ATPSCKMT: variants seen among roughly 807,000 people sequenced by gnomAD.
The protein encoded by ATPSCKMT is ATP synthase subunit C lysine N-methyltransferase.
In ATPSCKMT, 24 loss-of-function variants were observed where a neutral mutation model predicts 24.3. The observed-to-expected ratio is 0.99, with a 90% confidence interval of 0.71 to 1.39. The LOEUF (loss-of-function observed/expected upper bound fraction) is 1.39, where lower values mean the gene tolerates loss of function less well. ATPSCKMT is among the 40% of genes most tolerant of loss of function. The pLI is 0.00. For synonymous variants in ATPSCKMT, 95 were observed against 110.5 expected (o/e 0.86, Z 0.88); for missense variants, 311 against 298.4 (o/e 1.04, Z -0.31).
chr5:10,245,883 C>G (rs1744897226), intron 1 of ATPSCKMT, among the ~76,000 whole-genome samples: 1 of 152,108 alleles, frequency 6.6e-6, no homozygotes, highest in Non-Finnish European at 1.5e-5. Flanking sequence ...ATTCTCAATA[C>G]TATCATATGC....
At position 10,225,722 on chromosome 5, in the gene ATPSCKMT, G is replaced by T. The variant is rs527664311; in HGVS notation, c.*1719C>A. 6.6e-6 allele frequency among the ~76,000 whole-genome samples: 1 copy of T among 152,140 alleles called. No individual in the cohort carries two copies. The highest frequency in any genetic ancestry group is 2.1e-4 in the South Asian group (1 of 4,808). On this transcript the variant is annotated 3_prime_UTR_variant, in exon 5 of 5. Coordinates refer to ENST00000511437, the MANE Select transcript of ATPSCKMT (RefSeq NM_199133.4). The stretch of plus-strand genomic sequence containing the variant: ...CACCAGGTCCTTCCCACAACACGTG[G>T]GAATTCAAGATGAGATTTGGGTAGG...
At chr5:10,239,466 T>C (rs1319083897) in intron 1 of ATPSCKMT, 110 bp from the exon 2 acceptor site, 1 of 944,464 alleles carries the variant, frequency 1.1e-6, no homozygotes, top group African/African-American at 1.7e-5. Context: ...TTTTAAAGGA[T>C]AATTTAGCTG....
At chr5:10,244,612 A>G (rs1744804069) in intron 1 of ATPSCKMT, 1 of 152,270 alleles carries the variant, frequency 6.6e-6, no homozygotes, top group Non-Finnish European at 1.5e-5. Flanking sequence ...GTAGTCATGC[A>G]TTTATTTAAG....
intron 4 of ATPSCKMT, among the ~76,000 whole-genome samples, chr5:10,233,244 C>A (rs2126431180): frequency 6.6e-6 from 1 of 152,254 alleles, no homozygotes; most frequent in East Asian, 1.9e-4. Flanking sequence ...TCGACTGGCA[C>A]AGCACACGCC....
chr5:10,234,284 T>C (rs1435432557), intron 4 of ATPSCKMT, among the ~76,000 whole-genome samples: 1 of 151,946 alleles, frequency 6.6e-6, no homozygotes, highest in Non-Finnish European at 1.5e-5. Flanking sequence ...GCCGAGATCA[T>C]GCCACTGCAC....
chr5:10,236,680 A>T, intron 2 of ATPSCKMT, 65 bp from the exon 3 acceptor site: 1 of 1,586,392 alleles, frequency 6.3e-7, no homozygotes, highest in Non-Finnish European at 8.6e-7. Context: ...GTCAAACAAT[A>T]TGAATATTTC....
At position 10,227,470 on chromosome 5, in the gene ATPSCKMT, T is replaced by C; in HGVS notation, c.673A>G (p.Met225Val). Reference protein sequence around the residue: ...RGREKRPCTSMHFQLPIQA With the variant: ...RGREKRPCTSVHFQLPIQA ...GCTTGAATGGGCAGCTGGAAATGCA[T>C]CGATGTACAGGGCCTCTTTTCACGG... is the stretch of plus-strand genomic sequence containing the variant. Residue 225 changes from methionine (M) to valine (V), a missense_variant, in exon 5 of 5, where the codon ATG (methionine) becomes GTG (valine). By Grantham distance (21) the Met-to-Val change is conservative. Transcript: ENST00000511437. 1 of 1,614,194 alleles carries C rather than the reference T, an allele frequency of 6.2e-7. No individual in the cohort carries two copies. Among genetic ancestry groups the C allele is most frequent in the Non-Finnish European group, 8.5e-7 (1 of 1,180,034 alleles).
chr5:10,247,830 T>G (rs1033035816), intron 1 of ATPSCKMT, among the ~76,000 whole-genome samples: 1 of 152,214 alleles, frequency 6.6e-6, no homozygotes, highest in African/African-American at 2.4e-5. Context: ...CTACTTTCAT[T>G]GAGCACTTAG....
At chr5:10,244,567 C>A (rs1744801725) in intron 1 of ATPSCKMT, 1 of 152,134 alleles carries the variant, frequency 6.6e-6, no homozygotes, top group Non-Finnish European at 1.5e-5. Flanking sequence ...CTGCAAAGTG[C>A]AATAAAACAA....
chr5:10,243,471 C>T (rs567748511), intron 1 of ATPSCKMT, among the ~76,000 whole-genome samples: 6 of 148,348 alleles, frequency 4.0e-5, no homozygotes, highest in Middle Eastern at 3.5e-3. Flanking sequence ...AGCGAGACTC[C>T]GTCTCAAAAG....
Position 10,226,048 on chromosome 5 carries a change from T to C in ATPSCKMT, c.*1393A>G, listed in dbSNP as rs903877904. On this transcript the variant is annotated 3_prime_UTR_variant, in exon 5 of 5. Transcript: ENST00000511437. ...GGACAGACACTAGCTGCCAAAAACC[T>C]GGCTGAAGTCCACAACATCACATCC... 6.6e-6 allele frequency among the ~76,000 whole-genome samples: 1 copy of C among 152,208 alleles called. No homozygotes were observed. The highest frequency in any genetic ancestry group is 2.4e-5 in the African/African-American group (1 of 41,444).
At chr5:10,235,769 G>C (rs1744349095) in intron 3 of ATPSCKMT, among the ~76,000 whole-genome samples, 1 of 152,130 alleles carries the variant, frequency 6.6e-6, no homozygotes. Flanking sequence ...ATGGTCTTTA[G>C]TTGAAAAACT....
chr5:10,247,380 G>A (rs901100334), intron 1 of ATPSCKMT, among the ~76,000 whole-genome samples: 2 of 152,156 alleles, frequency 1.3e-5, no homozygotes, highest in South Asian at 2.1e-4. Flanking sequence ...TCACTCTGTC[G>A]TCCAGGCTGG....
At chr5:10,229,175 A>G (rs1046421538) in intron 4 of ATPSCKMT, among the ~76,000 whole-genome samples, 5 of 152,230 alleles carry the variant, frequency 3.3e-5, no homozygotes, top group Admixed American at 6.5e-5. Flanking sequence ...CATTGCCCCA[A>G]TAATGTTCTG....
At position 10,236,352 on chromosome 5, in the gene ATPSCKMT, G is replaced by A. The variant is rs939113181; in HGVS notation, c.444+126C>T. 437 of 1,172,992 alleles carry A rather than the reference G, an allele frequency of 3.7e-4. 4 individuals are homozygous for A. Among genetic ancestry groups the A allele is most frequent in the Non-Finnish European group, 2.2e-5 (19 of 858,476 alleles). The allele number at this position is 1,172,992 out of a possible 1,614,324, so 72.7% of individuals were successfully genotyped here. On this transcript the variant is annotated intron_variant, in intron 3 of 4. Coordinates refer to ENST00000511437, the MANE Select transcript of ATPSCKMT (RefSeq NM_199133.4). Reference sequence around the variant, plus strand: ...GTATCAATTTTACATATTTCATTATGCCAGAATATTCACTTGGATTTTAAT... The same window carrying A: ...GTATCAATTTTACATATTTCATTATACCAGAATATTCACTTGGATTTTAAT...
chr5:10,232,489 C>T (rs1004546181), intron 4 of ATPSCKMT, among the ~76,000 whole-genome samples: 3 of 152,210 alleles, frequency 2.0e-5, no homozygotes, highest in East Asian at 1.9e-4. Context: ...TGCACAATAA[C>T]CCATCTAAGG....
rs779920628 is a variant in ATPSCKMT, at chr5:10,235,263, TG to T, written c.445-3del. 13 of 1,612,562 alleles carry T rather than the reference TG, an allele frequency of 8.1e-6. 1 individual carries two copies. In the South Asian group the frequency reaches 1.4e-4, roughly 18 times the overall value. On this transcript the variant is annotated splice_polypyrimidine_tract_variant and splice_region_variant and intron_variant, in intron 3 of 4. Transcript: ENST00000511437. ...GTTCGAGTACTGCGAAAAAGTAACC[TG>T]AACAAGGTGGGAAAATAATCAGTAG...
chr5:10,233,681 G>A (rs958520614), intron 4 of ATPSCKMT, among the ~76,000 whole-genome samples: 2 of 152,054 alleles, frequency 1.3e-5, no homozygotes, highest in African/African-American at 4.8e-5. Context: ...GGCCACTGCT[G>A]CCCCCCGCTG....
chr5:10,237,808 G>A (rs900227898), intron 2 of ATPSCKMT, among the ~76,000 whole-genome samples: 9 of 151,942 alleles, frequency 5.9e-5, no homozygotes, highest in South Asian at 2.1e-4. Flanking sequence ...GTGCAGTGGC[G>A]TGATCTTGGC....
Sources: gnomAD v4.1 joint callset for allele counts (sites outside exome capture counted in the v4.1 genomes callset) on GRCh38, gnomAD v4.1.1 for gene constraint, MANE v1.5 for transcripts, NCBI Gene and HGNC (gene_info 2026-07-23, HGNC 2026-07-21) for gene names.